The following FILIP1 variants were observed in gnomAD, a reference collection of about 807,000 sequenced individuals.
FILIP1 encodes filamin A interacting protein 1, also known as filamin-A-interacting protein 1.
A neutral mutation model predicts 102.1 loss-of-function variants in FILIP1; 61 were observed. That is an observed-to-expected ratio of 0.60 (90% confidence interval 0.49 to 0.74). The LOEUF (loss-of-function observed/expected upper bound fraction) is 0.74, where lower values mean the gene tolerates loss of function less well. Ranked by LOEUF, FILIP1 falls within the 30% of genes least tolerant of loss-of-function variation. The pLI is 0.00. For missense variants in FILIP1, 1,314 were observed against 1,441.2 expected (o/e 0.91, Z 1.43); for synonymous variants, 491 against 526.9 (o/e 0.93, Z 0.93).
At chr6:75,308,942 T>C (rs1211839650) in intron 5 of FILIP1, 45 bp from the exon 6 acceptor site, 24 of 1,603,298 alleles carry the variant, frequency 1.5e-5, no homozygotes, top group Non-Finnish European at 2.0e-5. Context: ...TGTTGGTGAG[T>C]TTCCTCTGGA....
chr6:75,438,800 G>T (rs1326255944), intron 1 of FILIP1, among the ~76,000 whole-genome samples: 1 of 152,208 alleles, frequency 6.6e-6, no homozygotes, highest in East Asian at 1.9e-4. Context: ...AATGCAACTA[G>T]TGGAAGCAAC....
intron 1 of FILIP1, among the ~76,000 whole-genome samples, chr6:75,488,247 C>A (rs1779850900): frequency 6.6e-6 from 1 of 152,106 alleles, no homozygotes; most frequent in Admixed American, 6.6e-5. Context: ...GGGAGTTTCT[C>A]AAGTTCTGCA....
chr6:75,382,499 G>C (rs1419826971), intron 2 of FILIP1, among the ~76,000 whole-genome samples: 1 of 152,018 alleles, frequency 6.6e-6, no homozygotes, highest in Non-Finnish European at 1.5e-5. Flanking sequence ...TTTGATTCTG[G>C]GCCAGAAAAT....
chr6:75,376,690 T>A (rs1775764202), intron 2 of FILIP1, among the ~76,000 whole-genome samples: 1 of 152,162 alleles, frequency 6.6e-6, no homozygotes, highest in South Asian at 2.1e-4. Flanking sequence ...AACCAATAAG[T>A]TAAAGACTAA....
At chr6:75,407,226 A>AT (rs987067207) in intron 2 of FILIP1, among the ~76,000 whole-genome samples, 1 of 151,720 alleles carries the variant, frequency 6.6e-6, no homozygotes, top group African/African-American at 2.4e-5. Context: ...TATTTTATAA[A>AT]TTTTTTATTT....
chr6:75,395,477 C>T (rs2149663033), intron 2 of FILIP1, among the ~76,000 whole-genome samples: 1 of 152,216 alleles, frequency 6.6e-6, no homozygotes, highest in East Asian at 1.9e-4. Context: ...CAGGGTTTCA[C>T]CATGCAGCCA....
At chr6:75,308,980 A>ACT (rs891205107) in intron 5 of FILIP1, 83 bp from the exon 6 acceptor site, 72 of 1,454,852 alleles carry the variant, frequency 4.9e-5, no homozygotes, top group Admixed American at 9.0e-5. Flanking sequence ...CATTAGTGGG[A>ACT]CTCTTGCCAC....
intron 4 of FILIP1, among the ~76,000 whole-genome samples, chr6:75,323,441 T>C (rs976400875): frequency 2.6e-5 from 4 of 152,174 alleles, no homozygotes; most frequent in East Asian, 3.9e-4. Context: ...AGAAAGATTG[T>C]AAACAAATAT....
intron 4 of FILIP1, among the ~76,000 whole-genome samples, chr6:75,352,223 A>C (rs767617041): frequency 1.8e-4 from 27 of 152,134 alleles, no homozygotes; most frequent in Non-Finnish European, 3.4e-4. Context: ...TCTTTTTTGT[A>C]ACTAAATAGA....
exon 7 of FILIP1, chr6:75,293,866 A>G (rs1163880864): frequency 6.6e-6 from 1 of 152,202 alleles, no homozygotes; most frequent in Non-Finnish European, 1.5e-5. Context: ...AGTACTAACT[A>G]AAACACTTTT....
chr6:75,437,360 G>C (rs960645054), intron 1 of FILIP1, among the ~76,000 whole-genome samples: 10 of 152,204 alleles, frequency 6.6e-5, no homozygotes, highest in African/African-American at 2.4e-4. Context: ...AAACAAGCTG[G>C]ATTTTGAACT....
intron 1 of FILIP1, among the ~76,000 whole-genome samples, chr6:75,448,715 C>G (rs1158761121): frequency 2.0e-5 from 3 of 152,084 alleles, no homozygotes; most frequent in Admixed American, 6.6e-5. Flanking sequence ...AGAAGATACA[C>G]AAATGGCCAA....
intron 4 of FILIP1, among the ~76,000 whole-genome samples, chr6:75,340,068 C>G (rs1774371478): frequency 6.6e-6 from 1 of 151,926 alleles, no homozygotes; most frequent in African/African-American, 2.4e-5. Flanking sequence ...AGCAAAATAA[C>G]TCCAGCACTT....
intron 1 of FILIP1, among the ~76,000 whole-genome samples, chr6:75,456,969 C>A (rs1778858113): frequency 6.6e-6 from 1 of 152,116 alleles, no homozygotes; most frequent in Non-Finnish European, 1.5e-5. Flanking sequence ...TTATGCTGTT[C>A]AGCCTTCTTT....
chr6:75,339,967 T>C (rs974004690), intron 4 of FILIP1, among the ~76,000 whole-genome samples: 5 of 151,778 alleles, frequency 3.3e-5, no homozygotes, highest in South Asian at 2.1e-4. Flanking sequence ...AATAAATATA[T>C]ATATAATATA....
chr6:75,354,972 T>C (rs369385345), intron 3 of FILIP1, among the ~76,000 whole-genome samples: 2 of 152,172 alleles, frequency 1.3e-5, no homozygotes, highest in East Asian at 3.9e-4. Flanking sequence ...TTGTAGACAG[T>C]ACATATCTCT....
At chr6:75,387,071 A>C (rs1012681564) in intron 2 of FILIP1, among the ~76,000 whole-genome samples, 28 of 151,808 alleles carry the variant, frequency 1.8e-4, no homozygotes, top group African/African-American at 6.5e-4. Context: ...CCCTGTGCCC[A>C]TATGTTCTCA....
intron 1 of FILIP1, chr6:75,473,861 C>A (rs1323029242): frequency 6.6e-6 from 1 of 152,128 alleles, no homozygotes; most frequent in Non-Finnish European, 1.5e-5. Flanking sequence ...CCTGGGAAAA[C>A]CACCTTCATG....
chr6:75,345,072 G>A (rs990239040), intron 4 of FILIP1, among the ~76,000 whole-genome samples: 1 of 152,106 alleles, frequency 6.6e-6, no homozygotes, highest in Admixed American at 6.5e-5. Context: ...CTCCACTGTT[G>A]CTTTTCTTAG....
Sources: gnomAD v4.1 joint callset for allele counts (sites outside exome capture counted in the v4.1 genomes callset) on GRCh38, gnomAD v4.1.1 for gene constraint, MANE v1.5 for transcripts, NCBI Gene and HGNC (gene_info 2026-07-23, HGNC 2026-07-21) for gene names.